Variants in NAT9 observed in about 807,000 individuals in gnomAD.
NAT9 encodes N-acetyltransferase 9, also known as alpha/beta-tubulin-N-acetyltransferase 9.
NAT9 carries 18 observed loss-of-function variants against 24.0 expected under a neutral mutation model. That is an observed-to-expected ratio of 0.75 (90% CI 0.52 to 1.11). The LOEUF (loss-of-function observed/expected upper bound fraction) is 1.11. NAT9 is among the 50% of genes most tolerant of loss of function. The pLI is 0.00. For synonymous variants in NAT9, 104 were observed against 102.3 expected (o/e 1.02, Z -0.10); for missense variants, 254 against 258.6 (o/e 0.98, Z 0.12).
Position 74,771,854 on chromosome 17 carries a change from G to C in NAT9, c.494C>G (p.Ala165Gly), listed in dbSNP as rs774135469. 32 of 1,614,094 alleles carry C rather than the reference G, an allele frequency of 2.0e-5. No homozygotes were observed. The South Asian group carries it at 2.6e-4, about 13-fold the overall frequency. ...MFQKLHFEQVATSSVFQEVTL... is the reference protein window; with the variant it reads ...MFQKLHFEQVGTSSVFQEVTL... ...CACCTCCTGAAAAACACTGCTCGTA[G>C]CCACCTACGTGAGCCAGAGAGAACA... The change falls in exon 7 of 7, where the codon GCT becomes GGT. Residue 165 changes from alanine to glycine, a missense_variant. Ala to Gly is a moderately conservative substitution (Grantham distance 60). Coordinates refer to ENST00000357814, the MANE Select transcript of NAT9 (RefSeq NM_015654.5).
rs750665700 is a variant in NAT9, at chr17:74,773,674, C to T, written c.92G>A (p.Trp31Ter). ...SEHVPSRYHEWMKSEELQRLT... is the reference protein window; with the variant it reads ...SEHVPSRYHE ...ACGCTGCAGCTCCTCTGATTTCATC[C>T]ACTCGTGGTACCTGCTGGGACAGAG... The change falls in exon 3 of 7, where the codon TGG (tryptophan) becomes TAG (stop). Residue 31 changes from tryptophan (W) to a stop codon, truncating the protein, a stop_gained. Coordinates refer to ENST00000357814, the MANE Select transcript of NAT9 (RefSeq NM_015654.5). LOFTEE classifies it high-confidence loss of function. The T allele has an allele frequency of 1.9e-6, 3 of 1,614,048 alleles. No homozygotes were observed. The highest frequency in any genetic ancestry group is 2.5e-6 in the Non-Finnish European group (3 of 1,179,976).
intron 3 of NAT9, 28 bp from the exon 4 acceptor site, chr17:74,773,067 A>G: frequency 6.2e-7 from 1 of 1,611,440 alleles, no homozygotes; most frequent in Non-Finnish European, 8.5e-7. Context: ...GGGCTATCAC[A>G]CACACTCCCC....
At position 74,773,671 on chromosome 17, in the gene NAT9, A is replaced by C; in HGVS notation, c.95T>G (p.Met32Arg). 1 of 1,614,054 alleles carries C rather than the reference A, an allele frequency of 6.2e-7. No individual in the cohort carries two copies. The highest frequency in any genetic ancestry group is 8.5e-7 in the Non-Finnish European group (1 of 1,179,976). Residue 32 changes from methionine (M) to arginine (R), a missense_variant, in exon 3 of 7, where the codon ATG becomes AGG. By Grantham distance (91) the Met-to-Arg change is moderately conservative. Transcript: ENST00000357814. Reference protein sequence around the residue: ...EHVPSRYHEWMKSEELQRLTA... With the variant: ...EHVPSRYHEWRKSEELQRLTA... ...CAAACGCTGCAGCTCCTCTGATTTC[A>C]TCCACTCGTGGTACCTGCTGGGACA...
chr17:74,775,473 G>C (rs754270164), intron 2 of NAT9, 149 bp downstream of exon 2: 18 of 634,958 alleles, frequency 2.8e-5, no homozygotes, highest in African/African-American at 5.6e-5. Flanking sequence ...ACAGGCGTGA[G>C]CCACGGCACC....
chr17:74,773,781 T>C (rs148903895), intron 2 of NAT9, 93 bp from the exon 3 acceptor site: 80 of 1,094,668 alleles, frequency 7.3e-5, no homozygotes, highest in South Asian at 3.6e-4. Context: ...AGGGCTAACA[T>C]AGGGCTCAAA....
chr17:74,773,918 C>T (rs900153112), intron 2 of NAT9: 4 of 481,492 alleles, frequency 8.3e-6, no homozygotes, highest in East Asian at 3.7e-5. Flanking sequence ...TATCCTGTCT[C>T]GGGTCAGTGC....
At chr17:74,775,512 T>A in intron 2 of NAT9, 110 bp downstream of exon 2, 1 of 951,562 alleles carries the variant, frequency 1.1e-6, no homozygotes, top group Non-Finnish European at 1.5e-6. Flanking sequence ...CATATATAAT[T>A]ATTTCTCACA....
Position 74,771,503 on chromosome 17 carries a change from G to T in NAT9, c.*221C>A. On this transcript the variant is annotated 3_prime_UTR_variant, in exon 7 of 7. Coordinates refer to ENST00000357814, the MANE Select transcript of NAT9 (RefSeq NM_015654.5). ...CTTCCTAGAGTCTGGGTCTGGGTTT[G>T]GCCGGGAGGGGAGAAGGGAACTGGC... 1.5e-6 allele frequency: 1 copy of T among 671,626 alleles called. No individual in the cohort carries two copies. Among genetic ancestry groups the T allele is most frequent in the Non-Finnish European group, 2.5e-6 (1 of 406,890 alleles). 41.6% of individuals were successfully genotyped at this position (671,626 alleles called of 1,614,324 possible). A position where few individuals can be genotyped will look rare whatever the true frequency, so the allele number is the denominator to read the frequency against.
chr17:74,774,363 G>A (rs2035660951), intron 2 of NAT9, among the ~76,000 whole-genome samples: 1 of 151,328 alleles, frequency 6.6e-6, no homozygotes, highest in Non-Finnish European at 1.5e-5. Flanking sequence ...TGAAAGGGAA[G>A]AGGATGGGCA....
intron 2 of NAT9, among the ~76,000 whole-genome samples, chr17:74,774,411 ATTTT>A (rs1376637159): frequency 1.6e-5 from 2 of 127,228 alleles, no homozygotes; most frequent in Admixed American, 7.9e-5. Flanking sequence ...AGGTTCTGCT[ATTTT>A]TTTTTTTTTT....
rs1420519191 is a variant in NAT9 at position 74,772,066 on chromosome 17, G to A, written c.395-12C>T. The A allele has an allele frequency of 5.6e-6, 9 of 1,614,170 alleles. No individual in the cohort carries two copies. Among genetic ancestry groups the A allele is most frequent in the Non-Finnish European group, 6.8e-6 (8 of 1,180,032 alleles). On this transcript the variant is annotated splice_polypyrimidine_tract_variant and intron_variant, in intron 5 of 6. Coordinates refer to ENST00000357814, the MANE Select transcript of NAT9 (RefSeq NM_015654.5). ...TAGCGTGGTCACTCCTCGCAGAGGA[G>A]ATGAGACAGGGGCAAGTAAGGAGGC...
chr17:74,775,000 T>C (rs2035815941), intron 2 of NAT9, among the ~76,000 whole-genome samples: 1 of 151,734 alleles, frequency 6.6e-6, no homozygotes, highest in Non-Finnish European at 1.5e-5. Flanking sequence ...GAATTACAGG[T>C]GCCGGGCAAC....
At chr17:74,773,293 G>A in intron 3 of NAT9, 1 of 594,540 alleles carries the variant, frequency 1.7e-6, no homozygotes, top group South Asian at 2.1e-5. Context: ...ACTAGGCTGT[G>A]GTGAGGGACA....
chr17:74,774,924 C>T (rs1038020172), intron 2 of NAT9, among the ~76,000 whole-genome samples: 1 of 150,550 alleles, frequency 6.6e-6, no homozygotes, highest in Non-Finnish European at 1.5e-5. Context: ...GGTGTGATCT[C>T]GGCTCACCAC....
At position 74,771,825 on chromosome 17, in the gene NAT9, G is replaced by C; in HGVS notation, c.523C>G (p.Leu175Val). 1 of 1,614,204 alleles carries C rather than the reference G, an allele frequency of 6.2e-7. No individual in the cohort carries two copies. Among genetic ancestry groups the C allele is most frequent in the Non-Finnish European group, 8.5e-7 (1 of 1,180,038 alleles). Residue 175 changes from leucine (L) to valine (V), a missense_variant, in exon 7 of 7, where the codon CTC (leucine) becomes GTC (valine). Transcript: ENST00000357814. ...TCGGACTCACTCACTGTCAGTCTGA[G>C]GGTCACCTCCTGAAAAACACTGCTC... ...ATSSVFQEVT[L>V]RLTVSESEHQ... is the part of the protein sequence containing the mutation.
At chr17:74,772,562 CAGG>C in intron 4 of NAT9, 1 of 1,393,822 alleles carries the variant, frequency 7.2e-7, no homozygotes, top group Admixed American at 3.2e-5. Flanking sequence ...GGAGCAGAAA[CAGG>C]AGGGCCTCCT....
chr17:74,775,865 A>T (rs2144278825), intron 1 of NAT9, 158 bp from the exon 2 acceptor site: 1 of 560,438 alleles, frequency 1.8e-6, no homozygotes, highest in Middle Eastern at 4.0e-4. Flanking sequence ...TGCAAGAAAG[A>T]GAACCAGGCT....
In NAT9 at chr17:74,773,032, G is replaced by C. The variant is rs1269297955; in HGVS notation, c.198C>G (p.Thr66=). The C allele has an allele frequency of 6.2e-7, 1 of 1,613,714 alleles. No homozygotes were observed. The change falls in exon 4 of 7, where the codon ACC becomes ACG. Residue 66 remains threonine, a synonymous_variant. Coordinates refer to ENST00000357814, the MANE Select transcript of NAT9 (RefSeq NM_015654.5). ...CSWQEDADKC[T]FIVLDAEKWQ... ...ACTTCTCGGCATCCAGCACAATGAA[G>C]GTACACTCTGAGGAGGAGGTGACAG...
chr17:74,775,155 GTTTT>G (rs2035842529), intron 2 of NAT9, among the ~76,000 whole-genome samples: 1 of 147,554 alleles, frequency 6.8e-6, no homozygotes, highest in African/African-American at 2.5e-5. Context: ...GCACCCGGCC[GTTTT>G]TTTGTTTTTG....
Sources: allele counts gnomAD v4.1 joint callset (sites outside exome capture counted in the v4.1 genomes callset), GRCh38; gene constraint gnomAD v4.1.1; transcripts MANE v1.5; gene names NCBI Gene and HGNC (gene_info 2026-07-23, HGNC 2026-07-21).